The following HMCN1 variants were observed in gnomAD, a reference collection of about 807,000 sequenced individuals.
HMCN1 encodes hemicentin 1, also known as hemicentin-1.
Under a neutral mutation model 625.9 loss-of-function variants are expected in HMCN1, and 321 were observed. The ratio of observed to expected loss-of-function variants is 0.51; its 90% CI spans 0.47 to 0.56. HMCN1 has a LOEUF of 0.56. HMCN1 is among the 20% of genes least tolerant of loss of function. HMCN1 has a pLI of 0.00. For missense variants in HMCN1, 6,588 were observed against 6,887.3 expected (o/e 0.96, Z 1.54); for synonymous variants, 2,425 against 2,417.6 (o/e 1.00, Z -0.09).
intron 33 of HMCN1, among the ~76,000 whole-genome samples, chr1:186,017,478 T>A (rs1381803681): frequency 6.6e-6 from 1 of 151,552 alleles, no homozygotes; most frequent in East Asian, 1.9e-4. Flanking sequence ...GAGTATGTGT[T>A]TACCAATTTT....
In HMCN1 at chr1:185,744,081, C is replaced by T. The variant is rs531031383; in HGVS notation, c.268+9034C>T. ...TCGGCTCACTGCAAGCTCCGCCTCC[C>T]GGGTTCACGCCATTCTCCTGCCTCA... On this transcript the variant is annotated intron_variant, in intron 1 of 106. Coordinates refer to ENST00000271588, the MANE Select transcript of HMCN1 (RefSeq NM_031935.3). 8.7e-3 allele frequency among the ~76,000 whole-genome samples: 1,301 copies of T among 150,312 alleles called. 19 individuals carry two copies. The highest frequency in any genetic ancestry group is 0.03 in the African/African-American group (1,204 of 40,802).
At chr1:186,137,428 C>T (rs886835942) in intron 87 of HMCN1, 70 bp from the exon 88 acceptor site, 1 of 1,527,374 alleles carries the variant, frequency 6.5e-7, no homozygotes, top group South Asian at 1.2e-5. Context: ...CCGTGCATAT[C>T]TTAAATGAAA....
intron 39 of HMCN1, 102 bp from the exon 40 acceptor site, chr1:186,040,911 G>A: frequency 7.9e-7 from 1 of 1,271,560 alleles, no homozygotes; most frequent in Non-Finnish European, 1.1e-6. Flanking sequence ...TTCCTAAAAG[G>A]CAAATGTCAA....
chr1:186,190,466 T>C lies in HMCN1; in HGVS notation c.*588T>C, dbSNP rs1029168553. ...TGTTTGATCCCAAATGGTGCTTATC[T>C]TGATTGAACATTCAGAACAAGGATA... On this transcript the variant is annotated 3_prime_UTR_variant, in exon 107 of 107. Transcript: ENST00000271588. The C allele has an allele frequency of 4.5e-4, 90 of 199,958 alleles. 1 individual carries two copies. Among genetic ancestry groups the C allele is most frequent in the African/African-American group, 2.0e-3 (87 of 43,570 alleles). 12.4% of individuals were successfully genotyped at this position (199,958 alleles called of 1,614,324 possible). A position where few individuals can be genotyped will look rare whatever the true frequency, so the allele number is the denominator to read the frequency against.
chr1:185,987,698 A>G (rs918681740), intron 20 of HMCN1, among the ~76,000 whole-genome samples, 154 bp downstream of exon 20: 1 of 152,160 alleles, frequency 6.6e-6, no homozygotes, highest in East Asian at 1.9e-4. Context: ...ATGTGCTAGG[A>G]ACCCTCCAAG....
At chr1:186,019,445 T>C (rs1320329737) in intron 34 of HMCN1, 96 bp from the exon 35 acceptor site, 12 of 865,614 alleles carry the variant, frequency 1.4e-5, no homozygotes, top group Admixed American at 3.8e-5. Flanking sequence ...CTTTTTTTTT[T>C]TCTAAATTTT....
intron 1 of HMCN1, among the ~76,000 whole-genome samples, chr1:185,758,453 T>C (rs1655275848): frequency 6.6e-6 from 1 of 152,082 alleles, no homozygotes; most frequent in African/African-American, 2.4e-5. Context: ...TTGGGTGACA[T>C]GGCAAAACTC....
intron 83 of HMCN1, among the ~76,000 whole-genome samples, chr1:186,129,254 G>A (rs1217163243): frequency 1.3e-5 from 2 of 151,068 alleles, no homozygotes; most frequent in Non-Finnish European, 3.0e-5. Flanking sequence ...TACGTATTTA[G>A]ATATGGACTG....
chr1:185,776,749 C>T (rs1409992094), intron 1 of HMCN1, among the ~76,000 whole-genome samples: 2 of 152,120 alleles, frequency 1.3e-5, no homozygotes, highest in East Asian at 3.8e-4. Context: ...CATAAAAATG[C>T]ATAATATGAA....
chr1:186,081,254 A>G lies in HMCN1; in HGVS notation c.8647A>G (p.Thr2883Ala), dbSNP rs1400675627. ...GANSDLPEEV[T>A]VLVNKSALIE... is the part of the protein sequence containing the mutation. ...AAATAGTGATCTCCCTGAAGAGGTC[A>G]CCGTGCTGGTGAACAAGAGTGCACT... The change falls in exon 56 of 107, where the codon ACC becomes GCC. Residue 2883 changes from threonine (T) to alanine (A), a missense_variant. Thr to Ala is a moderately conservative substitution (Grantham distance 58, BLOSUM62 0). Transcript: ENST00000271588. The G allele has an allele frequency of 6.8e-6, 11 of 1,613,904 alleles. No homozygotes were observed. In the South Asian group the frequency reaches 1.2e-4, roughly 18 times the overall value.
intron 11 of HMCN1, among the ~76,000 whole-genome samples, chr1:185,960,669 C>G (rs1425823869): frequency 2.6e-5 from 4 of 152,156 alleles, no homozygotes; most frequent in Non-Finnish European, 5.9e-5. Flanking sequence ...AGATGCCAGG[C>G]CATTTCTGGC....
chr1:186,002,494 A>G (rs1192151195), intron 28 of HMCN1, among the ~76,000 whole-genome samples: 1 of 152,102 alleles, frequency 6.6e-6, no homozygotes, highest in South Asian at 2.1e-4. Flanking sequence ...AGGCTTCTCA[A>G]AGCCTGAAAT....
In HMCN1 at chr1:186,166,310, A is replaced by C; in HGVS notation, c.15439+7A>C. The stretch of plus-strand genomic sequence containing the variant: ...GATGGAAGAACTTGTCAAGGTATTC[A>C]CAAATCTAATACACACATTTAAGCA... On this transcript the variant is annotated splice_region_variant and intron_variant, in intron 99 of 106. Coordinates refer to ENST00000271588, the MANE Select transcript of HMCN1 (RefSeq NM_031935.3). The C allele has an allele frequency of 1.2e-6, 2 of 1,614,106 alleles. No individual in the cohort carries two copies. The highest frequency in any genetic ancestry group is 2.2e-5 in the South Asian group (2 of 91,086).
intron 81 of HMCN1, among the ~76,000 whole-genome samples, chr1:186,123,610 T>C (rs1177039866): frequency 6.6e-6 from 1 of 152,190 alleles, no homozygotes; most frequent in Non-Finnish European, 1.5e-5. Context: ...GATTTGACTC[T>C]AATGAGAATT....
intron 52 of HMCN1, among the ~76,000 whole-genome samples, chr1:186,073,756 G>A (rs555992562): frequency 6.6e-6 from 1 of 151,650 alleles, no homozygotes; most frequent in East Asian, 1.9e-4. Flanking sequence ...TGAAAATATT[G>A]CAAGGTCAAT....
At chr1:185,948,827 G>A (rs1668485965) in intron 11 of HMCN1, among the ~76,000 whole-genome samples, 1 of 151,698 alleles carries the variant, frequency 6.6e-6, no homozygotes, top group Non-Finnish European at 1.5e-5. Flanking sequence ...GAGAGAATGG[G>A]CGATGTTTCT....
Position 185,973,582 on chromosome 1 carries a change from A to G in HMCN1, c.2371+3089A>G, listed in dbSNP as rs1014688489. On this transcript the variant is annotated intron_variant, in intron 15 of 106. Transcript: ENST00000271588. ...TGTGGGCATATTACTTCATATCAACAATACTAGATCAAAAAATTATGAAAA... is the reference window on the plus strand; with the variant it reads ...TGTGGGCATATTACTTCATATCAACGATACTAGATCAAAAAATTATGAAAA... 1.1e-4 allele frequency among the ~76,000 whole-genome samples: 17 copies of G among 151,972 alleles called. 1 individual carries two copies. The highest frequency in any genetic ancestry group is 1.8e-4 in the Non-Finnish European group (12 of 67,998).
chr1:185,821,034 G>GTACATGTAATATATATATATCTATATATA (rs1660153138), intron 1 of HMCN1, among the ~76,000 whole-genome samples: 1 of 151,244 alleles, frequency 6.6e-6, no homozygotes. Flanking sequence ...ATATATATAT[G>GTACATGTAATATATATATATCTATATATA]TACATGTAAT....
intron 97 of HMCN1, among the ~76,000 whole-genome samples, chr1:186,162,985 G>A (rs189444707): frequency 1.3e-3 from 197 of 152,298 alleles, no homozygotes; most frequent in African/African-American, 4.5e-3. Context: ...TGCTCTTTTT[G>A]TTTGTCTGTG....
Sources: allele counts gnomAD v4.1 joint callset (sites outside exome capture counted in the v4.1 genomes callset), GRCh38; gene constraint gnomAD v4.1.1; transcripts MANE v1.5; gene names NCBI Gene and HGNC (gene_info 2026-07-23, HGNC 2026-07-21).